UTP4: variants seen among roughly 807,000 people sequenced by gnomAD.
UTP4 encodes the protein UTP4 small subunit processome component.
Under a neutral mutation model 82.4 loss-of-function variants are expected in UTP4, and 45 were observed. The ratio of observed to expected loss-of-function variants is 0.55; its 90% CI spans 0.43 to 0.70. The LOEUF is 0.70. Ranked by LOEUF, UTP4 falls within the 30% of genes least tolerant of loss-of-function variation. The probability of loss-of-function intolerance (pLI) is 0.00; values close to 1 mark genes in which losing one functional copy is unlikely to be tolerated. For missense variants in UTP4, 819 were observed against 858.3 expected (o/e 0.95, Z 0.57); for synonymous variants, 348 against 300.3 (o/e 1.16, Z -1.64).
intron 13 of UTP4, among the ~76,000 whole-genome samples, chr16:69,161,911 C>T (rs1024691249): frequency 3.3e-5 from 5 of 151,840 alleles, no homozygotes; most frequent in African/African-American, 9.7e-5. Context: ...TTCCTCCCGC[C>T]CTGGCCCTTC....
intron 5 of UTP4, among the ~76,000 whole-genome samples, chr16:69,141,113 C>G (rs1962948131): frequency 6.6e-6 from 1 of 152,204 alleles, no homozygotes; most frequent in Non-Finnish European, 1.5e-5. Context: ...TCAAGTCCAT[C>G]TGATTTTCTT....
intron 13 of UTP4, among the ~76,000 whole-genome samples, 159 bp downstream of exon 13, chr16:69,160,621 A>T: frequency 6.8e-6 from 1 of 147,130 alleles, no homozygotes. Flanking sequence ...TTTTGAGACA[A>T]AGTCTTACTC....
At chr16:69,142,521 GATCCCTCTTTGAA>G (rs985834470) in intron 5 of UTP4, among the ~76,000 whole-genome samples, 3 of 152,124 alleles carry the variant, frequency 2.0e-5, no homozygotes, top group Non-Finnish European at 2.9e-5. Flanking sequence ...GCTGTTAACG[GATCCCTCTTTGAA>G]GCCCCACTTA....
intron 6 of UTP4, among the ~76,000 whole-genome samples, chr16:69,147,714 C>G (rs116562286): frequency 6.6e-6 from 1 of 152,004 alleles, no homozygotes; most frequent in Non-Finnish European, 1.5e-5. Context: ...ATGTTTCATA[C>G]GTCCCTGATA....
In UTP4 at chr16:69,136,897, C is replaced by T. The variant is rs745922769; in HGVS notation, c.351+10C>T. The T allele has an allele frequency of 3.1e-6, 5 of 1,613,722 alleles. No individual in the cohort carries two copies. The highest frequency in any genetic ancestry group is 4.2e-6 in the Non-Finnish European group (5 of 1,179,652). ...TGGCTCTCAACTTTTGGTTAGTAAGCAACTATTGGTAATTCAAACCAAAAT... is the reference window on the plus strand; with the variant it reads ...TGGCTCTCAACTTTTGGTTAGTAAGTAACTATTGGTAATTCAAACCAAAAT... On this transcript the variant is annotated intron_variant, in intron 3 of 16. Coordinates refer to ENST00000314423, the MANE Select transcript of UTP4 (RefSeq NM_032830.3).
In UTP4 at chr16:69,169,004, A is replaced by C. The variant is rs1015958388; in HGVS notation, c.*67A>C. 27 of 964,196 alleles carry C rather than the reference A, an allele frequency of 2.8e-5. No individual in the cohort carries two copies. Among genetic ancestry groups the C allele is most frequent in the East Asian group, 2.1e-4 (9 of 42,026 alleles). The allele number at this position is 964,196 out of a possible 1,614,324, so 59.7% of individuals were successfully genotyped here. On this transcript the variant is annotated 3_prime_UTR_variant, in exon 17 of 17. Transcript: ENST00000314423. ...GTTGCTTTTCACAAATCATGGTAAT[A>C]AAACAAGTTATTCTTGAGGACTAGT...
chr16:69,136,923 T>G (rs767234179), intron 3 of UTP4, 36 bp downstream of exon 3: 1 of 1,575,366 alleles, frequency 6.3e-7, no homozygotes, highest in Non-Finnish European at 8.7e-7. Context: ...AAACCAAAAT[T>G]TCTCTCGTGC....
chr16:69,158,945 A>G (rs1029721282), intron 12 of UTP4, among the ~76,000 whole-genome samples: 1 of 152,216 alleles, frequency 6.6e-6, no homozygotes, highest in East Asian at 1.9e-4. Flanking sequence ...TCTAGATGAC[A>G]AAGATGGCTC....
At chr16:69,159,447 T>C (rs550091095) in intron 12 of UTP4, among the ~76,000 whole-genome samples, 9 of 152,222 alleles carry the variant, frequency 5.9e-5, no homozygotes, top group African/African-American at 2.2e-4. Flanking sequence ...CCCAGCACTT[T>C]TGGAGGCCGA....
Position 69,153,762 on chromosome 16 carries a change from T to C in UTP4, c.1099+82T>C, listed in dbSNP as rs1030634133. On this transcript the variant is annotated intron_variant, in intron 9 of 16. Coordinates refer to ENST00000314423, the MANE Select transcript of UTP4 (RefSeq NM_032830.3). The stretch of plus-strand genomic sequence containing the variant: ...AGAATTGCGGTTGGAATTCTGCTTA[T>C]AGAAAAACTGAAGTAGACTTTTGTG... 18 of 929,636 alleles carry C rather than the reference T, an allele frequency of 1.9e-5. No individual in the cohort carries two copies. The East Asian group carries it at 3.6e-4, about 18-fold the overall frequency. 57.6% of individuals were successfully genotyped at this position (929,636 alleles called of 1,614,324 possible).
At chr16:69,137,363 A>G (rs925460709) in intron 3 of UTP4, among the ~76,000 whole-genome samples, 6 of 152,198 alleles carry the variant, frequency 3.9e-5, no homozygotes, top group Non-Finnish European at 5.9e-5. Context: ...TTACCATTAG[A>G]GTGGGTGCTT....
At chr16:69,152,626 C>A (rs557474024) in intron 8 of UTP4, among the ~76,000 whole-genome samples, 2 of 151,692 alleles carry the variant, frequency 1.3e-5, no homozygotes, top group African/African-American at 2.4e-5. Flanking sequence ...CCCGCCACCA[C>A]GCCTAGGTAA....
At chr16:69,156,415 C>T (rs1963416842) in intron 11 of UTP4, among the ~76,000 whole-genome samples, 2 of 151,438 alleles carry the variant, frequency 1.3e-5, no homozygotes, top group South Asian at 4.2e-4. Context: ...CCTCAGCCTC[C>T]CAAAGTGCTG....
intron 2 of UTP4, among the ~76,000 whole-genome samples, chr16:69,136,016 C>T (rs575785737): frequency 1.8e-4 from 27 of 152,214 alleles, no homozygotes; most frequent in African/African-American, 6.0e-4. Context: ...GCAATAAGAG[C>T]GAAACTCTGT....
intron 5 of UTP4, among the ~76,000 whole-genome samples, chr16:69,140,944 G>C (rs1411267950): frequency 6.6e-6 from 1 of 151,944 alleles, no homozygotes; most frequent in African/African-American, 2.4e-5. Context: ...TTATAACTTT[G>C]TTCAAATTAG....
Position 69,137,814 on chromosome 16 carries a change from A to G in UTP4, c.365A>G (p.Asp122Gly), listed in dbSNP as rs773201079. 1.2e-6 allele frequency: 2 copies of G among 1,610,252 alleles called. No individual in the cohort carries two copies. The highest frequency in any genetic ancestry group is 1.1e-5 in the South Asian group (1 of 90,998). The change falls in exon 4 of 17, where the codon GAT becomes GGT. Residue 122 changes from aspartate to glycine, a missense_variant. Coordinates refer to ENST00000314423, the MANE Select transcript of UTP4 (RefSeq NM_032830.3). Reference protein sequence around the residue: ...SGSQLLVGCEDGSVKLFQITP... With the variant: ...SGSQLLVGCEGGSVKLFQITP... ...TTTCTCAAATAGGTTGGTTGTGAAG[A>G]TGGATCTGTGAAACTATTTCAAATT...
At chr16:69,163,048 TAG>T (rs887058335) in intron 13 of UTP4, 33 bp from the exon 14 acceptor site, 33 of 1,502,492 alleles carry the variant, frequency 2.2e-5, no homozygotes, top group East Asian at 4.5e-5. Context: ...AAGTGTCACT[TAG>T]AGTTGCCACT....
intron 6 of UTP4, among the ~76,000 whole-genome samples, chr16:69,148,673 G>A (rs373689840): frequency 1.3e-5 from 2 of 150,058 alleles, no homozygotes; most frequent in East Asian, 2.0e-4. Flanking sequence ...GTGCAGTGGT[G>A]TAATCCTGGC....
At chr16:69,148,129 G>T (rs1963167688) in intron 6 of UTP4, among the ~76,000 whole-genome samples, 1 of 151,722 alleles carries the variant, frequency 6.6e-6, no homozygotes, top group Non-Finnish European at 1.5e-5. Context: ...CTAATTTTTT[G>T]TATTTTTTTT....
Sources: allele counts gnomAD v4.1 joint callset (sites outside exome capture counted in the v4.1 genomes callset), GRCh38; gene constraint gnomAD v4.1.1; transcripts MANE v1.5; gene names NCBI Gene and HGNC (gene_info 2026-07-23, HGNC 2026-07-21).